Variants in CDH18 observed in about 807,000 individuals in gnomAD.
CDH18 encodes the protein cadherin 18.
Under a neutral mutation model 67.9 loss-of-function variants are expected in CDH18, and 31 were observed. That is an observed-to-expected ratio of 0.46 (90% confidence interval 0.34 to 0.62). CDH18 has a LOEUF of 0.62. CDH18 is among the 20% of genes least tolerant of loss of function. The pLI is 0.01. For missense variants in CDH18, 890 were observed against 975.5 expected (o/e 0.91, Z 1.17); for synonymous variants, 362 against 347.2 (o/e 1.04, Z -0.48).
chr5:19,980,615 C>T (rs1328327481), intron 2 of CDH18, among the ~76,000 whole-genome samples: 3 of 152,162 alleles, frequency 2.0e-5, no homozygotes, highest in African/African-American at 7.2e-5. Context: ...TTGCCAGTTT[C>T]TCCCCATCTT....
chr5:19,543,933 A>T lies in CDH18; in HGVS notation c.1326T>A (p.Thr442=). The T allele has an allele frequency of 6.3e-7, 1 of 1,597,786 alleles. No individual in the cohort carries two copies. ...TTTCTTCTCTGTCGAGAACCTTTGT[A>T]GTCCTAATGGTCCCAGTATTGGCAT... ...NIDANTGTIR[T]TKVLDREETP... The change falls in exon 9 of 13, where the codon ACT becomes ACA. Residue 442 remains threonine, a synonymous_variant. Coordinates refer to ENST00000382275, the MANE Select transcript of CDH18 (RefSeq NM_004934.5).
chr5:20,069,656 C>T (rs556628483), intron 2 of CDH18, among the ~76,000 whole-genome samples: 23 of 152,180 alleles, frequency 1.5e-4, no homozygotes, highest in African/African-American at 5.3e-4. Flanking sequence ...CATGATCTGC[C>T]CACCTCAGCC....
intron 2 of CDH18, among the ~76,000 whole-genome samples, chr5:19,885,352 T>C (rs1788083464): frequency 6.6e-6 from 1 of 152,212 alleles, no homozygotes; most frequent in African/African-American, 2.4e-5. Flanking sequence ...CTAGCTGTTA[T>C]CAAGCAAATC....
chr5:19,640,320 C>A (rs1432288915), intron 5 of CDH18, among the ~76,000 whole-genome samples: 1 of 152,052 alleles, frequency 6.6e-6, no homozygotes, highest in African/African-American at 2.4e-5. Context: ...ATTCTGATTA[C>A]AAGGGTATTA....
intron 1 of CDH18, among the ~76,000 whole-genome samples, chr5:20,289,170 C>T (rs1249398810): frequency 1.3e-5 from 2 of 151,838 alleles, no homozygotes; most frequent in African/African-American, 2.4e-5. Flanking sequence ...ATCAAGGATC[C>T]AATATGGTAT....
chr5:20,263,618 T>A (rs1744823734), intron 1 of CDH18, among the ~76,000 whole-genome samples: 1 of 152,166 alleles, frequency 6.6e-6, no homozygotes, highest in Non-Finnish European at 1.5e-5. Flanking sequence ...GGTAAAAAAA[T>A]GTTACAAATA....
At chr5:19,913,258 A>C (rs760646494) in intron 2 of CDH18, among the ~76,000 whole-genome samples, 13 of 152,124 alleles carry the variant, frequency 8.5e-5, no homozygotes, top group Non-Finnish European at 1.8e-4. Context: ...AATGCTCTTC[A>C]TACTCTTTTT....
At position 20,421,841 on chromosome 5, in the gene CDH18, T is replaced by C. The variant is rs531652123; in HGVS notation, c.-580+153621A>G. Among the ~76,000 whole-genome samples, 62 of 150,286 alleles carry C rather than the reference T, an allele frequency of 4.1e-4. 1 individual carries two copies. The highest frequency in any genetic ancestry group is 3.4e-3 in the Middle Eastern group (1 of 290). The stretch of plus-strand genomic sequence containing the variant: ...TATATATCAATCATATATATATATA[T>C]ACACATGTATACACACATACATGTA... On this transcript the variant is annotated intron_variant, in intron 1 of 14. Coordinates refer to the CDH18 transcript ENST00000507958.
chr5:19,647,527 CAAAAAAAAAAAAAAA>C (rs3062888), intron 5 of CDH18, among the ~76,000 whole-genome samples: 1 of 28,800 alleles, frequency 3.5e-5, no homozygotes, highest in Non-Finnish European at 5.8e-5. Context: ...GAGACTCCAT[CAAAAAAAAAAAAAAA>C]AAAAAAAAAA....
intron 2 of CDH18, among the ~76,000 whole-genome samples, chr5:19,909,062 T>C (rs1019861074): frequency 1.3e-5 from 2 of 152,064 alleles, no homozygotes; most frequent in African/African-American, 4.8e-5. Context: ...ATTACCTTCA[T>C]TAGCTAAAAA....
At chr5:19,596,706 A>G (rs951049874) in intron 6 of CDH18, among the ~76,000 whole-genome samples, 3 of 152,244 alleles carry the variant, frequency 2.0e-5, no homozygotes, top group Middle Eastern at 3.2e-3. Flanking sequence ...AATATGAAAC[A>G]GATTCCTGGT....
At chr5:19,492,905 A>G (rs1741700933) in intron 11 of CDH18, among the ~76,000 whole-genome samples, 1 of 152,160 alleles carries the variant, frequency 6.6e-6, no homozygotes, top group Non-Finnish European at 1.5e-5. Context: ...ATGTCAGAGT[A>G]TCTTATACTG....
At chr5:19,972,871 A>G (rs926995542) in intron 2 of CDH18, among the ~76,000 whole-genome samples, 19 of 152,046 alleles carry the variant, frequency 1.2e-4, no homozygotes, top group Non-Finnish European at 2.8e-4. Context: ...GAAATAGTAA[A>G]TAGAATAGTA....
intron 2 of CDH18, among the ~76,000 whole-genome samples, chr5:19,873,718 G>T (rs1435967734): frequency 6.6e-6 from 1 of 152,046 alleles, no homozygotes; most frequent in East Asian, 1.9e-4. Context: ...CACGATCTTG[G>T]CTCACTGCAA....
chr5:19,924,904 G>T (rs10073622), intron 2 of CDH18, among the ~76,000 whole-genome samples: 20,366 of 151,982 alleles, frequency 0.13, 3,780 homozygotes, highest in African/African-American at 0.41. Context: ...TGACAAAGTG[G>T]CATTTAAAAT....
At chr5:19,656,398 C>T (rs764805992) in intron 5 of CDH18, among the ~76,000 whole-genome samples, 4 of 151,884 alleles carry the variant, frequency 2.6e-5, no homozygotes, top group Non-Finnish European at 5.9e-5. Context: ...ATAGAGATGG[C>T]ATATTAAAAT....
At chr5:20,205,760 G>C (rs114719430) in intron 2 of CDH18, among the ~76,000 whole-genome samples, 223 of 151,894 alleles carry the variant, frequency 1.5e-3, no homozygotes, top group Non-Finnish European at 2.5e-3. Context: ...GCTCCTGAAT[G>C]ACTAACATGT....
intron 2 of CDH18, among the ~76,000 whole-genome samples, chr5:20,103,431 T>C (rs926430002): frequency 2.0e-5 from 3 of 151,898 alleles, no homozygotes; most frequent in East Asian, 1.9e-4. Flanking sequence ...AGGTGAGATA[T>C]ATACATAAAA....
intron 1 of CDH18, among the ~76,000 whole-genome samples, chr5:20,542,014 C>T (rs571736212): frequency 1.3e-5 from 2 of 152,252 alleles, no homozygotes; most frequent in South Asian, 2.1e-4. Context: ...GGTGCAATCT[C>T]GGCTCACTGC....
Sources: gnomAD v4.1 joint callset for allele counts (sites outside exome capture counted in the v4.1 genomes callset) on GRCh38, gnomAD v4.1.1 for gene constraint, MANE v1.5 for transcripts, NCBI Gene and HGNC (gene_info 2026-07-23, HGNC 2026-07-21) for gene names.